Variants in GALNT13 observed in about 807,000 individuals in gnomAD.
GALNT13 encodes the protein polypeptide N-acetylgalactosaminyltransferase 13, also known as UDP-GalNAc:polypeptide N-acetylgalactosaminyltransferase 13.
Under a neutral mutation model 64.2 loss-of-function variants are expected in GALNT13, and 28 were observed. That is an observed-to-expected ratio of 0.44 (90% CI 0.32 to 0.60). GALNT13 has a LOEUF of 0.60. Among genes scored for constraint, GALNT13 ranks in the 20% least tolerant of loss-of-function variants. GALNT13 has a pLI of 0.05. For missense variants in GALNT13, 577 were observed against 669.8 expected (o/e 0.86, Z 1.53); for synonymous variants, 214 against 224.6 (o/e 0.95, Z 0.42).
intron 9 of GALNT13, among the ~76,000 whole-genome samples, chr2:154,358,547 A>G (rs368121851): frequency 6.6e-6 from 1 of 152,218 alleles, no homozygotes; most frequent in Non-Finnish European, 1.5e-5. Flanking sequence ...ATGTAATATA[A>G]TAACTTCTAA....
chr2:153,532,491 G>A, the GALNT13 span, among the ~76,000 whole-genome samples: 2 of 152,038 alleles, frequency 1.3e-5, no homozygotes, highest in Non-Finnish European at 1.5e-5. Context: ...TGCCTTGAAG[G>A]CCTTTTCCCC....
chr2:153,293,787 G>GAC, the GALNT13 span, among the ~76,000 whole-genome samples: 135 of 121,562 alleles, frequency 1.1e-3, 1 homozygote, highest in Non-Finnish European at 1.8e-3. Context: ...GTGTGTGTGT[G>GAC]TGTGTCTGTG....
At chr2:154,343,781 A>G (rs920826779) in intron 9 of GALNT13, among the ~76,000 whole-genome samples, 10 of 152,048 alleles carry the variant, frequency 6.6e-5, no homozygotes, top group Non-Finnish European at 1.5e-4. Context: ...CCTTCCAGGG[A>G]TTTTGGTTGA....
At chr2:154,217,737 T>G (rs1334088198) in intron 4 of GALNT13, among the ~76,000 whole-genome samples, 1 of 152,148 alleles carries the variant, frequency 6.6e-6, no homozygotes, top group Non-Finnish European at 1.5e-5. Context: ...ATGCTTATAG[T>G]TATAAAAAGA....
the GALNT13 span, among the ~76,000 whole-genome samples, chr2:153,074,047 C>T: frequency 1.3e-5 from 2 of 152,174 alleles, no homozygotes; most frequent in African/African-American, 2.4e-5. Flanking sequence ...AATATTTTAT[C>T]AGGAATGTTT....
intron 12 of GALNT13, among the ~76,000 whole-genome samples, chr2:154,441,482 T>A (rs1701295142): frequency 6.6e-6 from 1 of 152,086 alleles, no homozygotes; most frequent in Non-Finnish European, 1.5e-5. Context: ...GTTCATAGAA[T>A]TACAGAACTG....
the GALNT13 span, among the ~76,000 whole-genome samples, chr2:153,721,884 A>G: frequency 0.012 from 1,794 of 151,428 alleles, 80 homozygotes; most frequent in African/African-American, 0.041. Flanking sequence ...CACTGTCAAC[A>G]TTATACAGAT....
chr2:154,377,158 A>G (rs781116212), intron 9 of GALNT13, among the ~76,000 whole-genome samples: 2 of 152,176 alleles, frequency 1.3e-5, no homozygotes, highest in Non-Finnish European at 2.9e-5. Flanking sequence ...ATTTAAATAT[A>G]TATTAGCTTG....
chr2:153,390,390 C>G, the GALNT13 span, among the ~76,000 whole-genome samples: 1 of 151,902 alleles, frequency 6.6e-6, no homozygotes, highest in Non-Finnish European at 1.5e-5. Context: ...CAGCAAACCA[C>G]CAGGGCATGT....
rs369514237 is a variant in GALNT13, at chr2:153,927,790, G to A, written c.-104-16604G>A. On this transcript the variant is annotated intron_variant, in intron 2 of 12. Transcript: ENST00000392825. ...TGCAGGAAAAAAACCGAAGCTCCAA[G>A]TCAAATTATTAAATATGTTTATATA... is the stretch of plus-strand genomic sequence containing the variant. Among the ~76,000 whole-genome samples the A allele has an allele frequency of 2.0e-4, 31 of 152,074 alleles. 1 individual carries two copies. In the East Asian group the frequency reaches 5.8e-3, roughly 28 times the overall value.
At chr2:154,197,336 A>C (rs143255857) in intron 4 of GALNT13, among the ~76,000 whole-genome samples, 1 of 152,250 alleles carries the variant, frequency 6.6e-6, no homozygotes, top group Non-Finnish European at 1.5e-5. Context: ...AACTTTCATT[A>C]TTTGTAGATA....
At chr2:154,166,563 G>A (rs1208828978) in intron 4 of GALNT13, among the ~76,000 whole-genome samples, 1 of 152,224 alleles carries the variant, frequency 6.6e-6, no homozygotes, top group African/African-American at 2.4e-5. Flanking sequence ...GTGGAAGACA[G>A]TGTGGCAATT....
At chr2:153,436,750 A>C in the GALNT13 span, among the ~76,000 whole-genome samples, 5 of 152,002 alleles carry the variant, frequency 3.3e-5, no homozygotes, top group Non-Finnish European at 7.4e-5. Flanking sequence ...CAGTCTATCA[A>C]TTTTGTTGAT....
At chr2:154,287,177 C>G in intron 8 of GALNT13, 1 of 1,479,648 alleles carries the variant, frequency 6.8e-7, no homozygotes, top group Non-Finnish European at 9.3e-7. Flanking sequence ...ACAATTGGCT[C>G]AGCAGGAAGC....
intron 2 of GALNT13, among the ~76,000 whole-genome samples, chr2:153,920,052 A>G (rs902639908): frequency 2.7e-5 from 4 of 148,034 alleles, no homozygotes; most frequent in Non-Finnish European, 5.9e-5. Flanking sequence ...ATATATATTT[A>G]TATATGAATT....
chr2:153,590,660 G>A, the GALNT13 span, among the ~76,000 whole-genome samples: 1 of 152,060 alleles, frequency 6.6e-6, no homozygotes. Flanking sequence ...ATGCAAGGGT[G>A]GTTAAACATA....
At chr2:154,210,050 T>G (rs1009159801) in intron 4 of GALNT13, among the ~76,000 whole-genome samples, 1 of 152,196 alleles carries the variant, frequency 6.6e-6, no homozygotes, top group Non-Finnish European at 1.5e-5. Flanking sequence ...CTCTCTGAGT[T>G]TGAATGTTTT....
At chr2:153,554,011 G>T in the GALNT13 span, among the ~76,000 whole-genome samples, 489 of 152,182 alleles carry the variant, frequency 3.2e-3, 5 homozygotes, top group African/African-American at 0.011. Flanking sequence ...GGCACAAACT[G>T]GGATACAGGA....
the GALNT13 span, among the ~76,000 whole-genome samples, chr2:153,265,990 A>G: frequency 6.6e-6 from 1 of 152,314 alleles, no homozygotes; most frequent in African/African-American, 2.4e-5. Context: ...TTTTTTCAAT[A>G]AAGTATTCTT....
Sources: allele counts gnomAD v4.1 joint callset (sites outside exome capture counted in the v4.1 genomes callset), GRCh38; gene constraint gnomAD v4.1.1; transcripts MANE v1.5; gene names NCBI Gene and HGNC (gene_info 2026-07-23, HGNC 2026-07-21).